AARS2: variants seen among roughly 807,000 people sequenced by gnomAD.
AARS2 encodes the protein alanine--tRNA ligase, mitochondrial.
In AARS2, 78 loss-of-function variants were observed where a neutral mutation model predicts 119.7. The ratio of observed to expected loss-of-function variants is 0.65; its 90% CI spans 0.54 to 0.79. The LOEUF (loss-of-function observed/expected upper bound fraction) is 0.79, where lower values mean the gene tolerates loss of function less well. AARS2 is among the 30% of genes least tolerant of loss of function. The pLI, the probability that AARS2 is intolerant of heterozygous loss-of-function variation, is 0.00. For synonymous variants in AARS2, 502 were observed against 526.3 expected (o/e 0.95, Z 0.63); for missense variants, 1,157 against 1,291.3 (o/e 0.90, Z 1.59).
chr6:44,304,395 G>A lies in AARS2; in HGVS notation c.1866+25C>T, dbSNP rs748466034. The A allele has an allele frequency of 6.4e-5, 104 of 1,614,018 alleles. 1 individual carries two copies. The South Asian group carries it at 1.1e-3, about 17-fold the overall frequency. ...GAGAGTGAAGGGGCTGCAGGGTATT[G>A]GGAACAGTTAGGGAGGATCCTTACC... On this transcript the variant is annotated intron_variant, in intron 13 of 21. Transcript: ENST00000244571.
At chr6:44,310,487 C>G (rs945365206) in intron 4 of AARS2, 44 bp from the exon 5 acceptor site, 1 of 1,609,300 alleles carries the variant, frequency 6.2e-7, no homozygotes. Context: ...CCCAGGATTA[C>G]AGGTGTGAGA....
intron 16 of AARS2, 32 bp from the exon 17 acceptor site, chr6:44,302,942 G>T (rs373822345): frequency 4.1e-5 from 66 of 1,609,212 alleles, no homozygotes; most frequent in East Asian, 3.3e-4. Flanking sequence ...AGAAAGTCGG[G>T]GCATGACAGT....
intron 17 of AARS2, 143 bp downstream of exon 17, chr6:44,302,659 T>G: frequency 6.8e-7 from 1 of 1,478,454 alleles, no homozygotes; most frequent in Non-Finnish European, 9.3e-7. Context: ...ACATGCCAGC[T>G]GCCAATAGCT....
At chr6:44,302,675 G>T in intron 17 of AARS2, 127 bp downstream of exon 17, 2 of 1,454,878 alleles carry the variant, frequency 1.4e-6, no homozygotes, top group Non-Finnish European at 1.9e-6. Context: ...TAGCTGATAT[G>T]GCCACATTGG....
At position 44,303,154 on chromosome 6, in the gene AARS2, C is replaced by T. The variant is rs776390375; in HGVS notation, c.2167G>A (p.Val723Met). The change falls in exon 16 of 22, where the codon GTG becomes ATG. Residue 723 changes from valine (V) to methionine (M), a missense_variant. Transcript: ENST00000244571. ...LDEVYPDPVR[V>M]VSVGVPVAHA... ...GCCACGGGCACCCCCACTGATACCACCCGCACAGGGTCTGGGTAAACCTGA... is the reference window on the plus strand; with the variant it reads ...GCCACGGGCACCCCCACTGATACCATCCGCACAGGGTCTGGGTAAACCTGA... 1 of 1,614,182 alleles carries T rather than the reference C, an allele frequency of 6.2e-7. No homozygotes were observed. Among genetic ancestry groups the T allele is most frequent in the South Asian group, 1.1e-5 (1 of 91,090 alleles).
At chr6:44,303,814 G>A (rs1785578514) in intron 14 of AARS2, among the ~76,000 whole-genome samples, 1 of 152,228 alleles carries the variant, frequency 6.6e-6, no homozygotes. Flanking sequence ...ATTTAAGCCA[G>A]ATGTGTAAGA....
chr6:44,305,933 G>C lies in AARS2; in HGVS notation c.1301-147C>G. On this transcript the variant is annotated intron_variant, in intron 9 of 21. Coordinates refer to ENST00000244571, the MANE Select transcript of AARS2 (RefSeq NM_020745.4). The surrounding 1 kb of genome is among the most constrained non-coding windows in gnomAD (Gnocchi z 4.6). Reference sequence around the variant, plus strand: ...CGCTCCATACTGGGTAGCCTCAGGAGAGGGGTCACATTCAGGCTTCATGCC... The same window carrying C: ...CGCTCCATACTGGGTAGCCTCAGGACAGGGGTCACATTCAGGCTTCATGCC... 9.9e-7 allele frequency: 1 copy of C among 1,014,976 alleles called. No individual in the cohort carries two copies. Among genetic ancestry groups the C allele is most frequent in the Non-Finnish European group, 1.5e-6 (1 of 671,992 alleles). The allele number at this position is 1,014,976 out of a possible 1,614,324, so 62.9% of individuals were successfully genotyped here.
Position 44,309,853 on chromosome 6 carries a change from T to C in AARS2, c.894+446A>G, listed in dbSNP as rs117794384. 6.1e-4 allele frequency among the ~76,000 whole-genome samples: 93 copies of C among 152,286 alleles called. 2 individuals carry two copies. In the East Asian group the frequency reaches 0.018, roughly 29 times the overall value. Reference sequence around the variant, plus strand: ...TCAAAGGTCATCTTCTTGGTGAGCCTTCCCCAAGCACCTTATCTAAGATTC... The same window carrying C: ...TCAAAGGTCATCTTCTTGGTGAGCCCTCCCCAAGCACCTTATCTAAGATTC... On this transcript the variant is annotated intron_variant, in intron 5 of 21. Coordinates refer to ENST00000244571, the MANE Select transcript of AARS2 (RefSeq NM_020745.4).
At position 44,304,474 on chromosome 6, in the gene AARS2, T is replaced by G. The variant is rs762692899; in HGVS notation, c.1812A>C (p.Ala604=). Residue 604 remains alanine, a synonymous_variant, in exon 13 of 22, where the codon GCA becomes GCC. Transcript: ENST00000244571. ...CTAACCGCAGGCACTCAGGGGCTAC[T>G]GCCTCATGCAGGATGAAACCTCCAC... ...QVCGGFILHE[A]VAPECLRLGD... is the part of the protein sequence containing the mutation. 4 of 1,614,072 alleles carry G rather than the reference T, an allele frequency of 2.5e-6. No homozygotes were observed. In the African/African-American group the frequency reaches 5.3e-5, roughly 22 times the overall value.
rs1351996361 is a variant in AARS2 at position 44,298,905 on chromosome 6, C to G, written c.*1642G>C. ...TCTGGTAGGGAAGGAGGGCTTTCCTCCATCTCTGCTTCCTCCTGCTTTGAA... is the reference window on the plus strand; with the variant it reads ...TCTGGTAGGGAAGGAGGGCTTTCCTGCATCTCTGCTTCCTCCTGCTTTGAA... On this transcript the variant is annotated 3_prime_UTR_variant, in exon 22 of 22. Transcript: ENST00000244571. Among the ~76,000 whole-genome samples the G allele has an allele frequency of 3.4e-5, 1 of 29,488 alleles. No homozygotes were observed. The highest frequency in any genetic ancestry group is 2.4e-4 in the Non-Finnish European group (1 of 4,156). The allele number at this position is 29,488 out of a possible 152,430, so 19.3% of individuals were successfully genotyped here. A position where few individuals can be genotyped will look rare whatever the true frequency, so the allele number is the denominator to read the frequency against.
At chr6:44,312,968 T>G (rs1786498742) in intron 1 of AARS2, 113 bp downstream of exon 1, 1 of 1,514,164 alleles carries the variant, frequency 6.6e-7, no homozygotes, top group African/African-American at 1.4e-5. Context: ...CACCGCCCTC[T>G]TTCCCCAAAA....
At chr6:44,302,211 G>A (rs200436244) in intron 18 of AARS2, 41 bp from the exon 19 acceptor site, 2 of 1,612,016 alleles carry the variant, frequency 1.2e-6, no homozygotes, top group South Asian at 1.1e-5. Flanking sequence ...CCTTCCCTGA[G>A]CCATAGTCTC....
rs777157509 is a variant in AARS2 at position 44,302,066 on chromosome 6, C to G, written c.2592G>C (p.Met864Ile). Residue 864 changes from methionine to isoleucine, a missense_variant, in exon 19 of 22, where the codon ATG (methionine) becomes ATC (isoleucine). Met to Ile is a conservative substitution (Grantham distance 10, BLOSUM62 1). Transcript: ENST00000244571. ...CAGCCAAACCTCCTCTCACCTGTCC[C>G]ATTTGCAGCTTACGGATGGCAGTGT... ...RANTAIRKLQ[M>I]GQAAKKTQEL... 1 of 1,614,112 alleles carries G rather than the reference C, an allele frequency of 6.2e-7. No individual in the cohort carries two copies. Among genetic ancestry groups the G allele is most frequent in the Non-Finnish European group, 8.5e-7 (1 of 1,180,026 alleles).
At chr6:44,306,794 A>T in intron 7 of AARS2, 129 bp downstream of exon 7, 1 of 920,632 alleles carries the variant, frequency 1.1e-6, no homozygotes, top group Non-Finnish European at 1.8e-6. Flanking sequence ...GCTTGCTGAT[A>T]GGATGCTGGG....
In AARS2 at chr6:44,305,307, G is replaced by A. The variant is rs535556396; in HGVS notation, c.1435-109C>T. ...CTGCCACACAGCTGTGGACTCTGCAGCCCTTCTGGAATAAGAACTCAGGGC... is the reference window on the plus strand; with the variant it reads ...CTGCCACACAGCTGTGGACTCTGCAACCCTTCTGGAATAAGAACTCAGGGC... On this transcript the variant is annotated intron_variant, in intron 10 of 21. Coordinates refer to ENST00000244571, the MANE Select transcript of AARS2 (RefSeq NM_020745.4). The surrounding 1 kb of genome is among the most constrained non-coding windows in gnomAD (Gnocchi z 4.6). 3.3e-6 allele frequency: 5 copies of A among 1,519,020 alleles called. No homozygotes were observed. The South Asian group carries it at 3.4e-5, about 10-fold the overall frequency. 94.1% of individuals were successfully genotyped at this position (1,519,020 alleles called of 1,614,324 possible).
intron 1 of AARS2, among the ~76,000 whole-genome samples, chr6:44,312,757 T>C (rs1286207177): frequency 6.6e-6 from 1 of 152,086 alleles, no homozygotes; most frequent in Non-Finnish European, 1.5e-5. Flanking sequence ...CAGCAAACAA[T>C]AGGTGATCAA....
Position 44,305,567 on chromosome 6 carries a change from CAA to C in AARS2, c.1434+84_1434+85del. On this transcript the variant is annotated intron_variant, in intron 10 of 21. Coordinates refer to ENST00000244571, the MANE Select transcript of AARS2 (RefSeq NM_020745.4). The surrounding 1 kb of genome is among the most constrained non-coding windows in gnomAD (Gnocchi z 4.6). ...CCTATCTCAGCCTCTTGATTCCTCT[CAA>C]TATTCACAGCTCCTCCCCCAGGAGC... The C allele has an allele frequency of 6.3e-7, 1 of 1,593,702 alleles. No homozygotes were observed. Among genetic ancestry groups the C allele is most frequent in the Non-Finnish European group, 8.6e-7 (1 of 1,164,594 alleles).
chr6:44,311,328 T>C, intron 3 of AARS2, 62 bp downstream of exon 3: 1 of 1,610,954 alleles, frequency 6.2e-7, no homozygotes, highest in Non-Finnish European at 8.5e-7. Context: ...TTGGTGCTGG[T>C]AGTCTCCACT....
At chr6:44,301,587 T>A (rs1785364248) in intron 19 of AARS2, 123 bp from the exon 20 acceptor site, 4 of 956,764 alleles carry the variant, frequency 4.2e-6, no homozygotes, top group Non-Finnish European at 6.5e-6. Flanking sequence ...CCAAAAGTCA[T>A]TAGCTCTAGG....
Sources: gnomAD v4.1 joint callset for allele counts (sites outside exome capture counted in the v4.1 genomes callset) on GRCh38, gnomAD v4.1.1 for gene constraint, Gnocchi (gnomAD v3.1) non-coding constraint, MANE v1.5 for transcripts, NCBI Gene and HGNC (gene_info 2026-07-23, HGNC 2026-07-21) for gene names.